STXBP6: variants seen among roughly 807,000 people sequenced by gnomAD.
The protein encoded by STXBP6 is syntaxin binding protein 6.
Under a neutral mutation model 26.9 loss-of-function variants are expected in STXBP6, and 21 were observed. That is an observed-to-expected ratio of 0.78 (90% CI 0.55 to 1.12). The LOEUF is 1.12. Among genes scored for constraint, STXBP6 ranks in the 50% most tolerant of loss-of-function variants. The pLI is 0.00. For synonymous variants in STXBP6, 97 were observed against 92.6 expected, an observed-to-expected ratio of 1.05 and a Z score of -0.27; for missense variants, 232 against 257.9, an observed-to-expected ratio of 0.90 and a Z score of 0.69.
chr14:24,900,776 T>A (rs1309334164), intron 2 of STXBP6, among the ~76,000 whole-genome samples: 3 of 152,186 alleles, frequency 2.0e-5, no homozygotes, highest in Non-Finnish European at 2.9e-5. Context: ...TGGAAATAAA[T>A]GCCCTCCCCA....
chr14:25,030,624 C>T (rs2075435914), intron 1 of STXBP6, among the ~76,000 whole-genome samples: 2 of 152,142 alleles, frequency 1.3e-5, no homozygotes, highest in African/African-American at 4.8e-5. Flanking sequence ...AAATTGGTAG[C>T]TCACAGATCA....
intron 2 of STXBP6, among the ~76,000 whole-genome samples, chr14:24,920,328 C>T (rs1240051023): frequency 1.3e-5 from 2 of 151,926 alleles, no homozygotes; most frequent in East Asian, 1.9e-4. Flanking sequence ...GCCATTTACA[C>T]TTCATGTTTT....
At chr14:24,862,918 C>G (rs186002552) in intron 2 of STXBP6, among the ~76,000 whole-genome samples, 1 of 152,138 alleles carries the variant, frequency 6.6e-6, no homozygotes, top group Non-Finnish European at 1.5e-5. Context: ...TTTAATGCTT[C>G]CATATGCCAA....
Position 25,049,373 on chromosome 14 carries a change from G to T in STXBP6, c.-33+505C>A. The T allele has an allele frequency of 1.0e-6, 1 of 985,428 alleles. No homozygotes were observed. 61.0% of individuals were successfully genotyped at this position (985,428 alleles called of 1,614,324 possible). A position where few individuals can be genotyped will look rare whatever the true frequency, so the allele number is the denominator to read the frequency against. ...GGTGCCGTGCCCGCCAGAAAAGCTC[G>T]CCTCAGTTTTGGCAGTAATGATTTT... On this transcript the variant is annotated intron_variant, in intron 1 of 5. Coordinates refer to ENST00000323944, the MANE Select transcript of STXBP6 (RefSeq NM_001394410.1). This position sits in a 1 kb window ranked among gnomAD's most constrained non-coding sequence, Gnocchi z 5.6.
At chr14:24,988,643 G>A (rs1038127058) in intron 1 of STXBP6, among the ~76,000 whole-genome samples, 1 of 152,216 alleles carries the variant, frequency 6.6e-6, no homozygotes, top group Admixed American at 6.5e-5. Flanking sequence ...TAGAACATAT[G>A]CCTGCTCCAG....
chr14:24,999,043 A>G (rs2074680564), intron 1 of STXBP6, among the ~76,000 whole-genome samples: 1 of 152,188 alleles, frequency 6.6e-6, no homozygotes, highest in South Asian at 2.1e-4. Context: ...TAATATACAG[A>G]TGCTGAACTT....
chr14:24,968,495 T>C (rs1258767775), intron 2 of STXBP6, among the ~76,000 whole-genome samples: 2 of 152,182 alleles, frequency 1.3e-5, no homozygotes, highest in Admixed American at 6.5e-5. Context: ...GTTTCTCTCC[T>C]ATGCCAGATC....
At chr14:24,915,437 A>G (rs2071730577) in intron 2 of STXBP6, among the ~76,000 whole-genome samples, 1 of 152,108 alleles carries the variant, frequency 6.6e-6, no homozygotes, top group Non-Finnish European at 1.5e-5. Flanking sequence ...TATTATGATT[A>G]CCATTGTAGT....
intron 1 of STXBP6, among the ~76,000 whole-genome samples, chr14:24,978,030 C>A (rs2074095088): frequency 6.6e-6 from 1 of 152,192 alleles, no homozygotes. Flanking sequence ...GTGTGGAGCA[C>A]ACATGTATAC....
At chr14:24,909,000 C>T (rs2071477547) in intron 2 of STXBP6, among the ~76,000 whole-genome samples, 1 of 152,164 alleles carries the variant, frequency 6.6e-6, no homozygotes, top group Non-Finnish European at 1.5e-5. Context: ...GTAAAATACA[C>T]AGTAGTAAAA....
chr14:25,040,056 G>A (rs1285366926), intron 1 of STXBP6, among the ~76,000 whole-genome samples: 1 of 152,112 alleles, frequency 6.6e-6, no homozygotes, highest in Non-Finnish European at 1.5e-5. Flanking sequence ...CGTACATAAA[G>A]GTTTAGAGGC....
chr14:24,883,149 ATG>A (rs1380016042), intron 2 of STXBP6, among the ~76,000 whole-genome samples: 1 of 152,242 alleles, frequency 6.6e-6, no homozygotes, highest in Non-Finnish European at 1.5e-5. Flanking sequence ...ATATGTGAAT[ATG>A]TCTCATAACT....
At chr14:25,004,755 G>A (rs2074850336) in intron 1 of STXBP6, among the ~76,000 whole-genome samples, 1 of 152,120 alleles carries the variant, frequency 6.6e-6, no homozygotes, top group African/African-American at 2.4e-5. Context: ...GAAAGAGGAA[G>A]AAAAATCAAG....
intron 4 of STXBP6, among the ~76,000 whole-genome samples, chr14:24,826,040 G>A (rs1048596782): frequency 2.6e-5 from 4 of 152,056 alleles, no homozygotes; most frequent in Admixed American, 2.6e-4. Context: ...TTCTGTCTTG[G>A]GTTATGTTTG....
In STXBP6 at chr14:25,018,497, C is replaced by T. The variant is rs193046207; in HGVS notation, c.-33+31381G>A. ...GGCCCCAAACCTCTATATTCTATGC[C>T]ATTCTTTGGCATTGCCACCCAGGGT... is the stretch of plus-strand genomic sequence containing the variant. On this transcript the variant is annotated intron_variant, in intron 1 of 5. Coordinates refer to ENST00000323944, the MANE Select transcript of STXBP6 (RefSeq NM_001394410.1). Among the ~76,000 whole-genome samples, 5 of 152,272 alleles carry T rather than the reference C, an allele frequency of 3.3e-5. No homozygotes were observed. The East Asian group carries it at 9.6e-4, about 29-fold the overall frequency.
rs189461286 is a variant in STXBP6, at chr14:24,816,947, A to G, written c.609+2090T>C. ...AAAAAATTTATGAAAATGATTACAA[A>G]TAATAGTAATTTAGATTTATATGTG... On this transcript the variant is annotated intron_variant, in intron 5 of 5. Coordinates refer to ENST00000323944, the MANE Select transcript of STXBP6 (RefSeq NM_001394410.1). 4.6e-5 allele frequency: 7 copies of G among 152,318 alleles called. No homozygotes were observed. The East Asian group carries it at 1.4e-3, about 29-fold the overall frequency. 9.4% of individuals were successfully genotyped at this position (152,318 alleles called of 1,614,324 possible). A position where few individuals can be genotyped will look rare whatever the true frequency, so the allele number is the denominator to read the frequency against.
At chr14:24,839,833 T>A (rs2139008507) in intron 4 of STXBP6, among the ~76,000 whole-genome samples, 1 of 152,260 alleles carries the variant, frequency 6.6e-6, no homozygotes, top group South Asian at 2.1e-4. Context: ...CAATAAAAGA[T>A]GTAGGATTTG....
At position 25,049,723 on chromosome 14, in the gene STXBP6, G is replaced by C; in HGVS notation, c.-33+155C>G. The C allele has an allele frequency of 1.0e-6, 1 of 985,668 alleles. No individual in the cohort carries two copies. Among genetic ancestry groups the C allele is most frequent in the South Asian group, 4.7e-5 (1 of 21,284 alleles). 61.1% of individuals were successfully genotyped at this position (985,668 alleles called of 1,614,324 possible). A position where few individuals can be genotyped will look rare whatever the true frequency, so the allele number is the denominator to read the frequency against. ...CCCTCTCCCGCCACCCGCCAACTTG[G>C]AAGAATCTCTCTGGGAGCCTGCCTA... On this transcript the variant is annotated intron_variant, in intron 1 of 5. Transcript: ENST00000323944. This position sits in a 1 kb window ranked among gnomAD's most constrained non-coding sequence, Gnocchi z 5.6.
intron 1 of STXBP6, among the ~76,000 whole-genome samples, chr14:25,016,314 T>C (rs1470000501): frequency 6.6e-6 from 1 of 152,296 alleles, no homozygotes; most frequent in East Asian, 1.9e-4. Flanking sequence ...GGGTAGAAAT[T>C]AATTTTTTCT....
Sources: gnomAD v4.1 joint callset for allele counts (sites outside exome capture counted in the v4.1 genomes callset) on GRCh38, gnomAD v4.1.1 for gene constraint, Gnocchi (gnomAD v3.1) non-coding constraint, MANE v1.5 for transcripts, NCBI Gene and HGNC (gene_info 2026-07-23, HGNC 2026-07-21) for gene names.